Variants in CES1 observed in about 807,000 individuals in gnomAD.
CES1 encodes the protein liver carboxylesterase 1.
In CES1, 50 loss-of-function variants were observed where a neutral mutation model predicts 53.0. The ratio of observed to expected loss-of-function variants is 0.94; its 90% CI spans 0.75 to 1.19. The LOEUF is 1.19. CES1 is among the 50% of genes most tolerant of loss of function. The pLI, the probability that CES1 is intolerant of heterozygous loss-of-function variation, is 0.00. For missense variants in CES1, 534 were observed against 538.0 expected, an observed-to-expected ratio of 0.99 and a Z score of 0.07; for synonymous variants, 202 against 210.1, an observed-to-expected ratio of 0.96 and a Z score of 0.33.
At chr16:55,814,138 C>T (rs1363782043) in intron 8 of CES1, among the ~76,000 whole-genome samples, 32 of 152,220 alleles carry the variant, frequency 2.1e-4, no homozygotes, top group Admixed American at 5.2e-4. Flanking sequence ...GAGGAGGTAC[C>T]GAACCCTGGT....
At position 55,813,026 on chromosome 16, in the gene CES1, G is replaced by A; in HGVS notation, c.963C>T (p.Gly321=). 1.2e-6 allele frequency: 2 copies of A among 1,613,990 alleles called. No individual in the cohort carries two copies. Among genetic ancestry groups the A allele is most frequent in the Non-Finnish European group, 1.7e-6 (2 of 1,179,912 alleles). Residue 321 remains glycine (G), a synonymous_variant, in exon 9 of 14, where the codon GGC becomes GGT. Transcript: ENST00000360526. The part of the protein sequence containing the change: ...GDPRESQPLL[G]TVIDGMLLLK... ...GCAGCAGCATCCCATCAATCACAGT[G>A]CCCAGAAGGGGTTGACTCTGGGGAG...
At chr16:55,810,815 G>C (rs2031656096) in intron 10 of CES1, 112 bp downstream of exon 10, 1 of 1,405,768 alleles carries the variant, frequency 7.1e-7, no homozygotes, top group Non-Finnish European at 1.0e-6. Flanking sequence ...GGAAAGATGG[G>C]GGAAACCCTG....
intron 7 of CES1, among the ~76,000 whole-genome samples, chr16:55,817,196 A>G (rs2031980812): frequency 6.6e-6 from 1 of 152,198 alleles, no homozygotes; most frequent in Admixed American, 6.5e-5. Context: ...AATTGTTTAG[A>G]AAGAGGGTTT....
At chr16:55,815,589 C>T (rs1295112794) in intron 8 of CES1, among the ~76,000 whole-genome samples, 4 of 152,162 alleles carry the variant, frequency 2.6e-5, no homozygotes, top group Non-Finnish European at 5.9e-5. Context: ...CACTCCTCCC[C>T]GTTTCTTACC....
At chr16:55,819,700 G>T in intron 6 of CES1, 61 bp from the exon 7 acceptor site, 1 of 1,400,476 alleles carries the variant, frequency 7.1e-7, no homozygotes, top group Non-Finnish European at 1.0e-6. Flanking sequence ...CCATCAAAGA[G>T]GAAAGTGGCA....
intron 9 of CES1, 28 bp downstream of exon 9, chr16:55,812,875 T>C (rs1567493711): frequency 6.2e-7 from 1 of 1,613,208 alleles, no homozygotes; most frequent in African/African-American, 1.3e-5. Context: ...GGTGGTTGAG[T>C]CCCTCCAACA....
intron 1 of CES1, among the ~76,000 whole-genome samples, chr16:55,830,801 G>GGAAGGAAGGAA: frequency 6.7e-6 from 1 of 148,928 alleles, no homozygotes; most frequent in South Asian, 2.2e-4. Context: ...AAGGAAGGAA[G>GGAAGGAAGGAA]GAAGGAAGGA....
At position 55,819,569 on chromosome 16, in the gene CES1, G is replaced by T; in HGVS notation, c.872C>A (p.Thr291Lys). 6.2e-7 allele frequency: 1 copy of T among 1,611,836 alleles called. No individual in the cohort carries two copies. Among genetic ancestry groups the T allele is most frequent in the South Asian group, 1.1e-5 (1 of 91,018 alleles). ...AVMVHCLRQK[T>K]EEELLETTLK... ...TGTCGTCTCCAAGAGCTCCTCTTCC[G>T]TCTTCTGTCGCAGGCAGTGAACCAT... The change falls in exon 7 of 14, where the codon ACG becomes AAG. Residue 291 changes from threonine to lysine, a missense_variant. Thr to Lys is a moderately conservative substitution (Grantham distance 78). Coordinates refer to ENST00000360526, the MANE Select transcript of CES1 (RefSeq NM_001025195.2).
At chr16:55,825,348 C>T (rs1481934873) in intron 3 of CES1, among the ~76,000 whole-genome samples, 2 of 152,194 alleles carry the variant, frequency 1.3e-5, no homozygotes, top group Non-Finnish European at 2.9e-5. Flanking sequence ...AGACACAACA[C>T]CCCTTGTTTT....
intron 8 of CES1, among the ~76,000 whole-genome samples, chr16:55,813,722 C>G (rs1337729362): frequency 6.6e-6 from 1 of 152,074 alleles, no homozygotes; most frequent in Non-Finnish European, 1.5e-5. Flanking sequence ...GCACCTTCCC[C>G]GTAAGGCACA....
chr16:55,831,043 A>G (rs2032647100), intron 1 of CES1, among the ~76,000 whole-genome samples: 1 of 152,170 alleles, frequency 6.6e-6, no homozygotes, highest in East Asian at 1.9e-4. Flanking sequence ...GCGCACTTCA[A>G]AGCTGGAAGG....
Position 55,816,911 on chromosome 16 carries a change from A to G in CES1, c.945+13T>C, listed in dbSNP as rs763218129. The G allele has an allele frequency of 5.6e-6, 9 of 1,613,714 alleles. No homozygotes were observed. In the East Asian group the frequency reaches 2.0e-4, roughly 36 times the overall value. ...GACTCAAAACCCGTAATCCAGAAAC[A>G]AAAGGTCCTTACCTCTCTGGGGTCT... is the stretch of plus-strand genomic sequence containing the variant. On this transcript the variant is annotated intron_variant, in intron 8 of 13. Transcript: ENST00000360526.
At chr16:55,816,047 C>T (rs1322936861) in intron 8 of CES1, among the ~76,000 whole-genome samples, 1 of 152,292 alleles carries the variant, frequency 6.6e-6, no homozygotes, top group Non-Finnish European at 1.5e-5. Context: ...GGTTTCCTGA[C>T]AGCTGGCTTC....
chr16:55,810,270 C>T (rs1489113327), intron 11 of CES1, among the ~76,000 whole-genome samples: 1 of 152,150 alleles, frequency 6.6e-6, no homozygotes, highest in African/African-American at 2.4e-5. Flanking sequence ...CTCACTTCCC[C>T]ACCTCCCTAC....
intron 8 of CES1, among the ~76,000 whole-genome samples, chr16:55,814,754 G>C (rs550987096): frequency 1.3e-5 from 2 of 152,210 alleles, no homozygotes; most frequent in Non-Finnish European, 2.9e-5. Flanking sequence ...ATGGCTTCTG[G>C]GACCTTTGGT....
Position 55,810,972 on chromosome 16 carries a change from G to A in CES1, c.1125C>T (p.Asp375=), listed in dbSNP as rs1373725122. ...ACAGGAGTGACATGGCTGTCTTCTG[G>A]TCCAGTTGCCCTTCGGAGAGTGGAT... ...MSYPLSEGQL[D]QKTAMSLLWK... Residue 375 remains aspartate, a synonymous_variant, in exon 10 of 14, where the codon GAC becomes GAT. Transcript: ENST00000360526. 3 of 1,613,182 alleles carry A rather than the reference G, an allele frequency of 1.9e-6. No homozygotes were observed. The highest frequency in any genetic ancestry group is 2.5e-6 in the Non-Finnish European group (3 of 1,179,852).
chr16:55,813,174 G>T, intron 8 of CES1, 131 bp from the exon 9 acceptor site: 1 of 1,280,980 alleles, frequency 7.8e-7, no homozygotes, highest in South Asian at 1.2e-5. Context: ...ACATGCTCAG[G>T]ATCCTAACTT....
chr16:55,814,440 C>T (rs1406501210), intron 8 of CES1, among the ~76,000 whole-genome samples: 19 of 152,234 alleles, frequency 1.2e-4, no homozygotes, highest in African/African-American at 3.4e-4. Context: ...AGATTAACTG[C>T]ATCTGAAGCC....
At chr16:55,819,331 C>A (rs1425450084) in intron 7 of CES1, among the ~76,000 whole-genome samples, 13 of 152,194 alleles carry the variant, frequency 8.5e-5, no homozygotes, top group African/African-American at 3.1e-4. Context: ...GATTGTTACA[C>A]AATTTTTTAT....
Sources: gnomAD v4.1 joint callset for allele counts (sites outside exome capture counted in the v4.1 genomes callset) on GRCh38, gnomAD v4.1.1 for gene constraint, MANE v1.5 for transcripts, NCBI Gene and HGNC (gene_info 2026-07-23, HGNC 2026-07-21) for gene names.